Variants in ZBTB8OS observed in about 807,000 individuals in gnomAD.
The protein encoded by ZBTB8OS is tRNA-splicing ligase-activating factor archease.
In ZBTB8OS, 16 loss-of-function variants were observed where a neutral mutation model predicts 29.3. That is an observed-to-expected ratio of 0.55 (90% confidence interval 0.37 to 0.83). The LOEUF (loss-of-function observed/expected upper bound fraction) is 0.83, where lower values mean the gene tolerates loss of function less well. Among genes scored for constraint, ZBTB8OS ranks in the 40% least tolerant of loss-of-function variants. ZBTB8OS has a pLI of 0.00. For missense variants in ZBTB8OS, 160 were observed against 196.9 expected, an observed-to-expected ratio of 0.81 and a Z score of 1.12; for synonymous variants, 70 against 64.6, an observed-to-expected ratio of 1.08 and a Z score of -0.40.
intron 6 of ZBTB8OS, 21 bp from the exon 7 acceptor site, chr1:32,621,969 A>G (rs79407801): frequency 1.8e-5 from 23 of 1,292,660 alleles, no homozygotes; most frequent in Middle Eastern, 2.2e-4. Context: ...GGTTAGAGAA[A>G]AAAAAAAAAA....
At chr1:32,642,222 G>A (rs979116212) in intron 1 of ZBTB8OS, among the ~76,000 whole-genome samples, 4 of 152,064 alleles carry the variant, frequency 2.6e-5, no homozygotes, top group Non-Finnish European at 5.9e-5. Flanking sequence ...AAATGGCCAG[G>A]GCCGGGCGCG....
chr1:32,623,020 C>T (rs928206051), intron 6 of ZBTB8OS, among the ~76,000 whole-genome samples: 8 of 152,192 alleles, frequency 5.3e-5, no homozygotes, highest in Non-Finnish European at 8.8e-5. Context: ...CATTGCCCAA[C>T]CCTGCCCCAG....
chr1:32,641,242 C>T (rs1646375716), intron 1 of ZBTB8OS, among the ~76,000 whole-genome samples: 1 of 147,092 alleles, frequency 6.8e-6, no homozygotes, highest in Non-Finnish European at 1.5e-5. Flanking sequence ...GGACCTAGTT[C>T]AGCTCACAAC....
At chr1:32,645,146 T>C (rs1356210862) in intron 1 of ZBTB8OS, among the ~76,000 whole-genome samples, 2 of 151,210 alleles carry the variant, frequency 1.3e-5, no homozygotes, top group African/African-American at 4.9e-5. Context: ...GCCACTGCAC[T>C]CCAGCCTGTC....
At chr1:32,641,184 C>T (rs1646370419) in intron 1 of ZBTB8OS, among the ~76,000 whole-genome samples, 1 of 146,910 alleles carries the variant, frequency 6.8e-6, no homozygotes, top group Admixed American at 6.9e-5. Flanking sequence ...GTCTGAATAA[C>T]AAAAGCATGT....
intron 1 of ZBTB8OS, chr1:32,639,847 A>AATATATATAT (rs1472760743): frequency 6.6e-6 from 1 of 152,166 alleles, no homozygotes; most frequent in East Asian, 1.9e-4. Context: ...AATGTCTGGC[A>AATATATATAT]ATATAGTCAT....
At chr1:32,645,852 T>C (rs186897324) in intron 1 of ZBTB8OS, among the ~76,000 whole-genome samples, 1 of 152,220 alleles carries the variant, frequency 6.6e-6, no homozygotes, top group African/African-American at 2.4e-5. Context: ...AACACCTCAG[T>C]ATTATTATGA....
intron 1 of ZBTB8OS, among the ~76,000 whole-genome samples, chr1:32,649,633 A>AC (rs1446311379): frequency 0.023 from 1,235 of 54,046 alleles, 10 homozygotes; most frequent in South Asian, 0.038. Context: ...CATCTCTAAA[A>AC]ACACACACAC....
At chr1:32,649,041 A>G (rs1570775822) in intron 1 of ZBTB8OS, among the ~76,000 whole-genome samples, 1 of 125,376 alleles carries the variant, frequency 8.0e-6, no homozygotes, top group South Asian at 2.5e-4. Context: ...ATCTCGGCTC[A>G]CTGCAGCCTC....
At position 32,621,905 on chromosome 1, in the gene ZBTB8OS, T is replaced by C; in HGVS notation, c.461A>G (p.Tyr154Cys). 1 of 1,594,918 alleles carries C rather than the reference T, an allele frequency of 6.3e-7. No individual in the cohort carries two copies. The highest frequency in any genetic ancestry group is 2.2e-5 in the East Asian group (1 of 44,556). Residue 154 changes from tyrosine to cysteine, a missense_variant, in exon 7 of 7, where the codon TAT becomes TGT. Tyr to Cys is a radical substitution (Grantham distance 194, BLOSUM62 -2). Coordinates refer to ENST00000468695, the MANE Select transcript of ZBTB8OS (RefSeq NM_178547.5). ...KAITYSAMQV[Y>C]NEENPEVFVI... The stretch of plus-strand genomic sequence containing the variant: ...AAAAACTTCCGGGTTCTCTTCATTA[T>C]AGACCTGCATTGCTGAATATGTTAT...
chr1:32,650,465 G>A lies in ZBTB8OS; in HGVS notation c.65C>T (p.Ala22Val), dbSNP rs772865272. Reference protein sequence around the residue: ...NLTEEQKAIKAKYPPVNRKYE... With the variant: ...NLTEEQKAIKVKYPPVNRKYE... Reference sequence around the variant, plus strand: ...CTTCCTATTGACTGGCGGATACTTGGCCTTGATCGCCTTCTGTTCTTCAGT... The same window carrying A: ...CTTCCTATTGACTGGCGGATACTTGACCTTGATCGCCTTCTGTTCTTCAGT... The change falls in exon 1 of 7, where the codon GCC becomes GTC. Residue 22 changes from alanine (A) to valine (V), a missense_variant. By Grantham distance (64) the Ala-to-Val change is moderately conservative (BLOSUM62 0). Transcript: ENST00000468695. 2.5e-6 allele frequency: 4 copies of A among 1,614,036 alleles called. No homozygotes were observed. Among genetic ancestry groups the A allele is most frequent in the Non-Finnish European group, 2.5e-6 (3 of 1,180,024 alleles).
At chr1:32,649,659 CACACACACAT>C (rs1331208866) in intron 1 of ZBTB8OS, among the ~76,000 whole-genome samples, 27 of 140,636 alleles carry the variant, frequency 1.9e-4, no homozygotes, top group South Asian at 4.3e-4. Context: ...CACACACACA[CACACACACAT>C]TTTTTTTTTT....
At chr1:32,635,555 C>T (rs756726284) in intron 1 of ZBTB8OS, among the ~76,000 whole-genome samples, 1 of 152,098 alleles carries the variant, frequency 6.6e-6, no homozygotes, top group Non-Finnish European at 1.5e-5. Flanking sequence ...CACAGACAGG[C>T]GTGAGCCACT....
chr1:32,629,551 C>A (rs751404473), intron 5 of ZBTB8OS, among the ~76,000 whole-genome samples: 1 of 152,142 alleles, frequency 6.6e-6, no homozygotes, highest in African/African-American at 2.4e-5. Context: ...ACTTGGTTTA[C>A]ACTTTACAAC....
intron 5 of ZBTB8OS, among the ~76,000 whole-genome samples, chr1:32,629,855 C>T (rs754858976): frequency 4.1e-4 from 61 of 149,284 alleles, no homozygotes; most frequent in Non-Finnish European, 7.7e-4. Flanking sequence ...TGGGTTCAAG[C>T]GATTCTCCTG....
intron 1 of ZBTB8OS, among the ~76,000 whole-genome samples, chr1:32,639,463 A>G (rs929928658): frequency 6.6e-6 from 1 of 152,096 alleles, no homozygotes; most frequent in Admixed American, 6.6e-5. Context: ...AAGTAACTAT[A>G]TTGTTAAAAG....
At position 32,620,885 on chromosome 1, in the gene ZBTB8OS, T is replaced by C. The variant is rs560017689; in HGVS notation, c.*977A>G. The C allele has an allele frequency of 3.4e-4, 52 of 152,328 alleles. No individual in the cohort carries two copies. The highest frequency in any genetic ancestry group is 1.3e-3 in the African/African-American group (52 of 41,580). The allele number at this position is 152,328 out of a possible 1,614,324, so 9.4% of individuals were successfully genotyped here. On this transcript the variant is annotated 3_prime_UTR_variant, in exon 7 of 7. Transcript: ENST00000468695. ...GTACTCACTTTCAAATAAAATTCTATATTAGAAGGAAAGGTCTCTTTGTAA... is the reference window on the plus strand; with the variant it reads ...GTACTCACTTTCAAATAAAATTCTACATTAGAAGGAAAGGTCTCTTTGTAA...
chr1:32,633,745 G>A lies in ZBTB8OS; in HGVS notation c.245-18C>T. 1.3e-6 allele frequency: 2 copies of A among 1,551,338 alleles called. No homozygotes were observed. The highest frequency in any genetic ancestry group is 1.7e-6 in the Non-Finnish European group (2 of 1,143,630). ...GTCATCTCCTACACAAGATCAAATA[G>A]TATATTTAATAATTCTGGTCTCTAA... On this transcript the variant is annotated intron_variant, in intron 3 of 6. Coordinates refer to ENST00000468695, the MANE Select transcript of ZBTB8OS (RefSeq NM_178547.5).
At chr1:32,622,331 A>G (rs1360632259) in intron 6 of ZBTB8OS, among the ~76,000 whole-genome samples, 66 of 152,222 alleles carry the variant, frequency 4.3e-4, no homozygotes, top group Admixed American at 4.2e-3. Context: ...CCACATGCCC[A>G]TCAATGGTAG....
Sources: gnomAD v4.1 joint callset for allele counts (sites outside exome capture counted in the v4.1 genomes callset) on GRCh38, gnomAD v4.1.1 for gene constraint, MANE v1.5 for transcripts, NCBI Gene and HGNC (gene_info 2026-07-23, HGNC 2026-07-21) for gene names.